PPM1H: variants seen among roughly 807,000 people sequenced by gnomAD.
The protein encoded by PPM1H is protein phosphatase 1H.
In PPM1H, 27 loss-of-function variants were observed where a neutral mutation model predicts 54.9. The ratio of observed to expected loss-of-function variants is 0.49; its 90% CI spans 0.36 to 0.68. The LOEUF (loss-of-function observed/expected upper bound fraction) is 0.68. Ranked by LOEUF, PPM1H falls within the 30% of genes least tolerant of loss-of-function variation. The pLI, the probability that PPM1H is intolerant of heterozygous loss-of-function variation, is 0.00. For missense variants in PPM1H, 596 were observed against 667.8 expected, an observed-to-expected ratio of 0.89 and a Z score of 1.19; for synonymous variants, 305 against 270.8, an observed-to-expected ratio of 1.13 and a Z score of -1.24.
rs540212034 is a variant in PPM1H at position 62,827,799 on chromosome 12, C to T, written c.411+4315G>A. On this transcript the variant is annotated intron_variant, in intron 2 of 9. Transcript: ENST00000228705. ...TCAAGGAAGGCTTTCCTAACCTTACCCATCCCCTTCTCCTTGGTTGTTCCC... is the reference window on the plus strand; with the variant it reads ...TCAAGGAAGGCTTTCCTAACCTTACTCATCCCCTTCTCCTTGGTTGTTCCC... Among the ~76,000 whole-genome samples the T allele has an allele frequency of 1.3e-4, 20 of 152,256 alleles. No homozygotes were observed. In the South Asian group the frequency reaches 2.9e-3, roughly 22 times the overall value.
At chr12:62,739,212 T>C (rs1180122914) in intron 4 of PPM1H, among the ~76,000 whole-genome samples, 2 of 152,182 alleles carry the variant, frequency 1.3e-5, no homozygotes, top group African/African-American at 2.4e-5. Flanking sequence ...TAAAGATTCC[T>C]TCTTATAAAC....
At chr12:62,711,200 C>T (rs1327125433) in intron 6 of PPM1H, among the ~76,000 whole-genome samples, 1 of 152,194 alleles carries the variant, frequency 6.6e-6, no homozygotes, top group Non-Finnish European at 1.5e-5. Context: ...CCATGTTGCC[C>T]AGGCTGGTCT....
At chr12:62,753,711 G>T (rs1269473479) in intron 4 of PPM1H, among the ~76,000 whole-genome samples, 1 of 152,212 alleles carries the variant, frequency 6.6e-6, no homozygotes, top group Non-Finnish European at 1.5e-5. Context: ...AGATAAAGAG[G>T]CTGAGACTGG....
chr12:62,743,641 G>C (rs945484104), intron 4 of PPM1H, among the ~76,000 whole-genome samples: 4 of 151,828 alleles, frequency 2.6e-5, no homozygotes, highest in African/African-American at 7.3e-5. Context: ...ATTAACTCTT[G>C]TTAAATCTCA....
chr12:62,808,941 G>A (rs2076820477), intron 2 of PPM1H, among the ~76,000 whole-genome samples: 1 of 152,186 alleles, frequency 6.6e-6, no homozygotes, highest in Non-Finnish European at 1.5e-5. Context: ...TGCAAGAGGT[G>A]TTTCAAAGAA....
intron 1 of PPM1H, among the ~76,000 whole-genome samples, chr12:62,928,148 T>C (rs1872030591): frequency 6.6e-6 from 1 of 152,232 alleles, no homozygotes; most frequent in South Asian, 2.1e-4. Flanking sequence ...CAAATGACTA[T>C]TGCATTTAGC....
chr12:62,799,724 T>C (rs2076755386), intron 3 of PPM1H, among the ~76,000 whole-genome samples: 2 of 152,154 alleles, frequency 1.3e-5, no homozygotes. Context: ...GAGATAGAAG[T>C]GCATTTTATT....
intron 2 of PPM1H, among the ~76,000 whole-genome samples, chr12:62,829,478 C>T (rs989018791): frequency 6.6e-6 from 1 of 151,984 alleles, no homozygotes; most frequent in Non-Finnish European, 1.5e-5. Flanking sequence ...GAACTATATG[C>T]CTAAAATTGG....
intron 4 of PPM1H, chr12:62,755,628 G>A: frequency 1.5e-6 from 1 of 653,360 alleles, no homozygotes; most frequent in South Asian, 1.7e-5. Context: ...TGATGGGCAT[G>A]AAGCATGAGA....
At chr12:62,779,115 G>A (rs1368022843) in intron 4 of PPM1H, among the ~76,000 whole-genome samples, 1 of 151,988 alleles carries the variant, frequency 6.6e-6, no homozygotes, top group Non-Finnish European at 1.5e-5. Flanking sequence ...TCTGCTCACT[G>A]CAACTTCCAC....
intron 9 of PPM1H, among the ~76,000 whole-genome samples, chr12:62,660,659 C>T (rs2075877587): frequency 6.6e-6 from 1 of 152,120 alleles, no homozygotes; most frequent in African/African-American, 2.4e-5. Context: ...GAAACCAGAG[C>T]CCTGTCTCTC....
chr12:62,666,678 C>T (rs1303294938), intron 9 of PPM1H, among the ~76,000 whole-genome samples: 1 of 152,082 alleles, frequency 6.6e-6, no homozygotes, highest in African/African-American at 2.4e-5. Flanking sequence ...TATCTACGTT[C>T]AACTTAAGGG....
At chr12:62,655,913 C>A (rs1208436271) in intron 9 of PPM1H, among the ~76,000 whole-genome samples, 1 of 152,254 alleles carries the variant, frequency 6.6e-6, no homozygotes, top group Non-Finnish European at 1.5e-5. Flanking sequence ...CAAAGCTCTG[C>A]TGAAAGCAAT....
At chr12:62,788,670 C>T (rs2076687225) in intron 3 of PPM1H, among the ~76,000 whole-genome samples, 1 of 152,238 alleles carries the variant, frequency 6.6e-6, no homozygotes, top group Admixed American at 6.5e-5. Flanking sequence ...GCATGAGCTA[C>T]CATGTGAAAC....
intron 1 of PPM1H, among the ~76,000 whole-genome samples, chr12:62,887,405 A>G (rs540033494): frequency 6.6e-6 from 1 of 152,380 alleles, no homozygotes; most frequent in African/African-American, 2.4e-5. Context: ...CAGCCTAATG[A>G]CGGACATGTA....
intron 3 of PPM1H, among the ~76,000 whole-genome samples, chr12:62,798,428 G>T (rs1251556903): frequency 6.6e-6 from 1 of 152,150 alleles, no homozygotes; most frequent in South Asian, 2.1e-4. Flanking sequence ...TCAGCTTTCA[G>T]CTTAATTTTT....
intron 4 of PPM1H, among the ~76,000 whole-genome samples, chr12:62,740,772 A>T (rs909839368): frequency 4.6e-5 from 7 of 152,116 alleles, no homozygotes; most frequent in East Asian, 2.0e-4. Flanking sequence ...GCCCCTGATT[A>T]AAAAATGCAG....
chr12:62,761,889 C>A (rs186769986), intron 4 of PPM1H, among the ~76,000 whole-genome samples: 61 of 152,310 alleles, frequency 4.0e-4, no homozygotes, highest in Non-Finnish European at 7.9e-4. Flanking sequence ...CTGACCTCTG[C>A]AGACTGGTGT....
chr12:62,739,490 A>G (rs1249885119), intron 4 of PPM1H, among the ~76,000 whole-genome samples: 1 of 152,204 alleles, frequency 6.6e-6, no homozygotes, highest in Non-Finnish European at 1.5e-5. Flanking sequence ...GAAAGTTATT[A>G]TGTGATAAAT....
Sources: allele counts gnomAD v4.1 joint callset (sites outside exome capture counted in the v4.1 genomes callset), GRCh38; gene constraint gnomAD v4.1.1; transcripts MANE v1.5; gene names NCBI Gene and HGNC (gene_info 2026-07-23, HGNC 2026-07-21).